RABGEF1: variants seen among roughly 807,000 people sequenced by gnomAD.
The protein encoded by RABGEF1 is rab5 GDP/GTP exchange factor.
In RABGEF1, 26 loss-of-function variants were observed where a neutral mutation model predicts 57.3. The ratio of observed to expected loss-of-function variants is 0.45; its 90% CI spans 0.33 to 0.63. The LOEUF is 0.63. Among genes scored for constraint, RABGEF1 ranks in the 20% least tolerant of loss-of-function variants. The pLI, the probability that RABGEF1 is intolerant of heterozygous loss-of-function variation, is 0.02. For synonymous variants in RABGEF1, 185 were observed against 210.7 expected (o/e 0.88, Z 1.06); for missense variants, 464 against 607.6 (o/e 0.76, Z 2.48).
chr7:66,673,735 A>G, the RABGEF1 span, among the ~76,000 whole-genome samples: 1 of 151,564 alleles, frequency 6.6e-6, no homozygotes, highest in South Asian at 2.1e-4. Context: ...TAAATAATCT[A>G]AAAAGCTGGT....
chr7:66,675,974 A>G, the RABGEF1 span, among the ~76,000 whole-genome samples: 8 of 152,314 alleles, frequency 5.3e-5, no homozygotes, highest in Middle Eastern at 3.4e-3. Flanking sequence ...GTTGTTAATT[A>G]GTTAAGTTTT....
At chr7:66,730,963 G>T (rs1419632925) in intron 2 of RABGEF1, among the ~76,000 whole-genome samples, 1 of 152,154 alleles carries the variant, frequency 6.6e-6, no homozygotes, top group African/African-American at 2.4e-5. Flanking sequence ...GATTCGGGGA[G>T]AATTGCCTGA....
intron 1 of RABGEF1, among the ~76,000 whole-genome samples, chr7:66,741,399 A>C (rs1156810479): frequency 6.6e-6 from 1 of 152,180 alleles, no homozygotes; most frequent in Non-Finnish European, 1.5e-5. Flanking sequence ...TTAGGAGCAG[A>C]AGTCCCTGCT....
At chr7:66,740,488 G>C (rs141129432), upstream of RABGEF1, 1 of 152,304 alleles carries the variant, frequency 6.6e-6, no homozygotes, top group East Asian at 1.9e-4. Context: ...GGAAACGCCG[G>C]TTTCTCCGGG....
At chr7:66,688,251 A>G (rs890371070) in intron 1 of RABGEF1, among the ~76,000 whole-genome samples, 4 of 152,204 alleles carry the variant, frequency 2.6e-5, no homozygotes, top group African/African-American at 9.7e-5. Context: ...ATATGCACCT[A>G]ACAACAGAGC....
At chr7:66,766,590 A>G (rs1337365972) in intron 1 of RABGEF1, among the ~76,000 whole-genome samples, 2 of 152,128 alleles carry the variant, frequency 1.3e-5, no homozygotes, top group Admixed American at 6.5e-5. Context: ...TAAACAGTAA[A>G]CTTGAGAGTT....
At chr7:66,781,659 A>T (rs1178518232) in intron 3 of RABGEF1, among the ~76,000 whole-genome samples, 2 of 152,294 alleles carry the variant, frequency 1.3e-5, no homozygotes, top group African/African-American at 4.8e-5. Context: ...CCTCATACAC[A>T]TGTGCGGTAG....
chr7:66,686,172 T>C (rs1015108854), intron 1 of RABGEF1, among the ~76,000 whole-genome samples: 1 of 151,660 alleles, frequency 6.6e-6, no homozygotes, highest in African/African-American at 2.4e-5. Context: ...TCTCAGCTAC[T>C]CGGGAGTCTG....
chr7:66,721,125 G>C (rs1276626624), intron 2 of RABGEF1, among the ~76,000 whole-genome samples: 1 of 152,072 alleles, frequency 6.6e-6, no homozygotes, highest in Non-Finnish European at 1.5e-5. Flanking sequence ...CACCAGGTTG[G>C]CCAGGCTGCT....
At chr7:66,718,484 A>G (rs1011035065) in intron 2 of RABGEF1, among the ~76,000 whole-genome samples, 28 of 152,140 alleles carry the variant, frequency 1.8e-4, no homozygotes, top group African/African-American at 6.0e-4. Flanking sequence ...AGTTCTTTAT[A>G]TATTGGATAA....
the RABGEF1 span, chr7:66,654,621 G>A: frequency 1.3e-5 from 2 of 152,178 alleles, no homozygotes; most frequent in Non-Finnish European, 2.9e-5. Context: ...CGAAGCCGCG[G>A]GCGAGGTACG....
intron 1 of RABGEF1, among the ~76,000 whole-genome samples, chr7:66,768,150 G>A (rs62466859): frequency 0.037 from 5,576 of 152,264 alleles, 160 homozygotes; most frequent in East Asian, 0.086. Context: ...GCAAGCAAAC[G>A]TTTCAAACCT....
intron 1 of RABGEF1, among the ~76,000 whole-genome samples, chr7:66,702,391 C>G (rs112723856): frequency 2.0e-4 from 22 of 111,116 alleles, no homozygotes; most frequent in Admixed American, 4.7e-4. Flanking sequence ...GTGTGTGTGT[C>G]AGCTCCTTTA....
At chr7:66,728,018 T>C (rs1796783710) in intron 2 of RABGEF1, among the ~76,000 whole-genome samples, 1 of 152,174 alleles carries the variant, frequency 6.6e-6, no homozygotes. Flanking sequence ...CTAGACCCAA[T>C]GTCCCCCTTC....
intron 7 of RABGEF1, 83 bp downstream of exon 7, chr7:66,799,497 T>A: frequency 8.8e-7 from 1 of 1,142,530 alleles, no homozygotes; most frequent in Non-Finnish European, 1.3e-6. Context: ...TATACATTTG[T>A]AAAATGCAGA....
intron 1 of RABGEF1, among the ~76,000 whole-genome samples, chr7:66,684,045 G>A (rs750877015): frequency 6.6e-6 from 1 of 152,140 alleles, no homozygotes; most frequent in African/African-American, 2.4e-5. Context: ...CCTGGAGGGT[G>A]GTTATTAAAG....
chr7:66,743,686 A>G (rs1799534313), intron 1 of RABGEF1, among the ~76,000 whole-genome samples: 1 of 152,028 alleles, frequency 6.6e-6, no homozygotes, highest in Non-Finnish European at 1.5e-5. Context: ...TATTTTTAGT[A>G]GAGATGTGGT....
intron 1 of RABGEF1, chr7:66,756,042 C>G: frequency 6.7e-7 from 1 of 1,498,620 alleles, no homozygotes; most frequent in Non-Finnish European, 8.9e-7. Context: ...GCTAATAAGT[C>G]TTTTATTAGA....
At chr7:66,760,650 G>A (rs1562802482) in intron 1 of RABGEF1, among the ~76,000 whole-genome samples, 1 of 151,988 alleles carries the variant, frequency 6.6e-6, no homozygotes, top group Non-Finnish European at 1.5e-5. Context: ...CACTGTGTTG[G>A]CCAGCCTGGT....
Sources: allele counts gnomAD v4.1 joint callset (sites outside exome capture counted in the v4.1 genomes callset), GRCh38; gene constraint gnomAD v4.1.1; transcripts MANE v1.5; gene names NCBI Gene and HGNC (gene_info 2026-07-23, HGNC 2026-07-21).